GRIK4: variants seen among roughly 807,000 people sequenced by gnomAD.
GRIK4 encodes glutamate ionotropic receptor kainate type subunit 4, also known as glutamate receptor ionotropic, kainate 4.
A neutral mutation model predicts 104.9 loss-of-function variants in GRIK4; 40 were observed. The observed-to-expected ratio is 0.38, with a 90% CI of 0.30 to 0.50. GRIK4 has a LOEUF of 0.50. Ranked by LOEUF, GRIK4 falls within the 20% of genes least tolerant of loss-of-function variation. The probability of loss-of-function intolerance (pLI) is 0.93; values close to 1 mark genes in which losing one functional copy is unlikely to be tolerated. For missense variants in GRIK4, 1,047 were observed against 1,308.1 expected, an observed-to-expected ratio of 0.80 and a Z score of 3.08; for synonymous variants, 485 against 524.9, an observed-to-expected ratio of 0.92 and a Z score of 1.04.
In GRIK4 at chr11:120,905,539, G is replaced by GGGGTGGGGGGGGGGGGGGGGGGA; in HGVS notation, c.1476+46_1476+47insGGGTGGGGGGGGGGGGGGGGGGA. ...CTGGGCCTGAGGGTGGGCTGGGAGG[G>GGGGTGGGGGGGGGGGGGGGGGGA]ATTGGAAGAGCATGAGGTTGTGCTG... On this transcript the variant is annotated intron_variant, in intron 13 of 20. Coordinates refer to ENST00000527524, the MANE Select transcript of GRIK4 (RefSeq NM_014619.5). This position sits in a 1 kb window ranked among gnomAD's most constrained non-coding sequence, Gnocchi z 5.1. 1 of 503,048 alleles carries GGGGTGGGGGGGGGGGGGGGGGGA rather than the reference G, an allele frequency of 2.0e-6. No homozygotes were observed. The highest frequency in any genetic ancestry group is 4.0e-6 in the Non-Finnish European group (1 of 248,896). The allele number at this position is 503,048 out of a possible 1,614,324, so 31.2% of individuals were successfully genotyped here. A position where few individuals can be genotyped will look rare whatever the true frequency, so the allele number is the denominator to read the frequency against.
chr11:120,583,052 T>G (rs1948609929), intron 1 of GRIK4, among the ~76,000 whole-genome samples: 1 of 152,232 alleles, frequency 6.6e-6, no homozygotes, highest in South Asian at 2.1e-4. Context: ...CCATTCAGAC[T>G]GGTGTGAGAT....
At chr11:120,733,500 T>TG (rs200672455) in intron 3 of GRIK4, among the ~76,000 whole-genome samples, 73 of 151,640 alleles carry the variant, frequency 4.8e-4, no homozygotes, top group African/African-American at 1.3e-3. Flanking sequence ...TGTATTTTTT[T>TG]GGGGGGGGAG....
intron 19 of GRIK4, among the ~76,000 whole-genome samples, chr11:120,972,040 C>G (rs1476706925): frequency 6.6e-6 from 1 of 152,196 alleles, no homozygotes; most frequent in African/African-American, 2.4e-5. Context: ...GTCTTCTGTT[C>G]TGTCCTAAAA....
chr11:120,967,431 C>T lies in GRIK4; in HGVS notation c.2395+108C>T, dbSNP rs933388614. 29 of 1,246,312 alleles carry T rather than the reference C, an allele frequency of 2.3e-5. No individual in the cohort carries two copies. Among genetic ancestry groups the T allele is most frequent in the South Asian group, 3.2e-5 (2 of 63,358 alleles). 77.2% of individuals were successfully genotyped at this position (1,246,312 alleles called of 1,614,324 possible). On this transcript the variant is annotated intron_variant, in intron 19 of 20. Transcript: ENST00000527524. This position sits in a 1 kb window ranked among gnomAD's most constrained non-coding sequence, Gnocchi z 4.2. ...AATGACTTGTAGGACCCATTGAGAA[C>T]GGCCTTGGAAGGAACCTAGGTATAA...
At chr11:120,922,762 G>A (rs1392376831) in intron 13 of GRIK4, among the ~76,000 whole-genome samples, 1 of 152,218 alleles carries the variant, frequency 6.6e-6, no homozygotes, top group African/African-American at 2.4e-5. Flanking sequence ...TACAGAGGCA[G>A]CCATCTGAGA....
chr11:120,608,246 C>G (rs80097090), intron 1 of GRIK4, among the ~76,000 whole-genome samples: 3,193 of 152,274 alleles, frequency 0.021, 104 homozygotes, highest in African/African-American at 0.073. Context: ...CAGCAGTGAG[C>G]TTAGAGAATG....
At chr11:120,521,488 G>A (rs1234505387) in intron 1 of GRIK4, among the ~76,000 whole-genome samples, 1 of 152,184 alleles carries the variant, frequency 6.6e-6, no homozygotes, top group Non-Finnish European at 1.5e-5. Context: ...CAGGAGGGCA[G>A]TTAAAATTAT....
At chr11:120,834,297 T>TGTGTGC (rs1953515023) in intron 7 of GRIK4, among the ~76,000 whole-genome samples, 1 of 148,584 alleles carries the variant, frequency 6.7e-6, no homozygotes, top group Admixed American at 6.9e-5. Context: ...TGTGTGTGTG[T>TGTGTGC]GTGGCCATGC....
At chr11:120,975,318 C>T (rs1944543564) in intron 19 of GRIK4, among the ~76,000 whole-genome samples, 1 of 152,154 alleles carries the variant, frequency 6.6e-6, no homozygotes, top group African/African-American at 2.4e-5. Context: ...GCGTGGTTAT[C>T]CTGGTTCTCT....
chr11:120,648,050 G>T (rs576531496), intron 1 of GRIK4, among the ~76,000 whole-genome samples: 18 of 152,304 alleles, frequency 1.2e-4, no homozygotes, highest in African/African-American at 4.3e-4. Flanking sequence ...CTGGGTTCTC[G>T]GGTGTATGTG....
At chr11:120,698,263 G>A (rs1450912692) in intron 3 of GRIK4, among the ~76,000 whole-genome samples, 2 of 152,214 alleles carry the variant, frequency 1.3e-5, no homozygotes, top group African/African-American at 4.8e-5. Context: ...TAATTTCAAT[G>A]TTTAAATCCT....
Position 120,982,111 on chromosome 11 carries a change from G to C in GRIK4, c.2401G>C (p.Gly801Arg). Residue 801 changes from glycine to arginine, a missense_variant, in exon 20 of 21, where the codon GGA (glycine) becomes CGA (arginine). By Grantham distance (125) the Gly-to-Arg change is moderately radical. Around this residue, in one of 3 missense-constraint regions of GRIK4, gnomAD observed 440 missense variants for 652.3 expected, o/e 0.67. Transcript: ENST00000527524. ...KEEDHRAKGL[G>R]MENIGGIFVV... ...TTGTTATCACTTTCTTACAGGCCTG[G>C]GAATGGAGAATATTGGTGGAATCTT... 1 of 1,588,416 alleles carries C rather than the reference G, an allele frequency of 6.3e-7. No homozygotes were observed. Among genetic ancestry groups the C allele is most frequent in the Non-Finnish European group, 8.6e-7 (1 of 1,156,652 alleles).
intron 9 of GRIK4, chr11:120,869,909 C>G (rs1022842433): frequency 2.0e-5 from 3 of 152,248 alleles, no homozygotes; most frequent in African/African-American, 7.2e-5. Context: ...CGTGGCTTAG[C>G]AAGATTCCGG....
At chr11:120,802,669 C>T in intron 3 of GRIK4, 24 bp from the exon 4 acceptor site, 1 of 1,606,262 alleles carries the variant, frequency 6.2e-7, no homozygotes, top group Non-Finnish European at 8.5e-7. Flanking sequence ...TACCAATTGT[C>T]TCCATGTGGT....
chr11:120,519,865 G>GTTTTTTTT (rs1311313035), intron 1 of GRIK4, among the ~76,000 whole-genome samples: 36 of 102,534 alleles, frequency 3.5e-4, no homozygotes, highest in African/African-American at 1.2e-3. Flanking sequence ...CTCACTACTG[G>GTTTTTTTT]TTTTTTTTTT....
At chr11:120,767,391 G>T (rs1248814691) in intron 3 of GRIK4, among the ~76,000 whole-genome samples, 1 of 151,992 alleles carries the variant, frequency 6.6e-6, no homozygotes, top group African/African-American at 2.4e-5. Flanking sequence ...TTTAAATTGG[G>T]TTATTTGTTT....
chr11:120,842,457 C>T (rs1480535880), intron 8 of GRIK4, among the ~76,000 whole-genome samples: 2 of 152,134 alleles, frequency 1.3e-5, no homozygotes, highest in Non-Finnish European at 2.9e-5. Flanking sequence ...AGCCATGTGC[C>T]CAGGGAGAAG....
At position 120,712,484 on chromosome 11, in the gene GRIK4, T is replaced by A. The variant is rs541646515; in HGVS notation, c.82+52084T>A. Among the ~76,000 whole-genome samples the A allele has an allele frequency of 3.3e-5, 5 of 152,256 alleles. No individual in the cohort carries two copies. The East Asian group carries it at 7.7e-4, about 24-fold the overall frequency. On this transcript the variant is annotated intron_variant, in intron 3 of 20. Coordinates refer to ENST00000527524, the MANE Select transcript of GRIK4 (RefSeq NM_014619.5). ...ACAGAGGTCACCCACCCTTCTGTGC[T>A]TTTCTTCTAAATTTATCCTCTGACC...
chr11:120,823,311 A>G (rs1199342733), intron 6 of GRIK4, among the ~76,000 whole-genome samples: 1 of 152,228 alleles, frequency 6.6e-6, no homozygotes, highest in Non-Finnish European at 1.5e-5. Flanking sequence ...TTTGCTAAGC[A>G]TCTACTACAC....
Sources: allele counts gnomAD v4.1 joint callset (sites outside exome capture counted in the v4.1 genomes callset), GRCh38; gene constraint gnomAD v4.1.1; regional missense constraint gnomAD v4.1.1; non-coding constraint Gnocchi (gnomAD v3.1); transcripts MANE v1.5; gene names NCBI Gene and HGNC (gene_info 2026-07-23, HGNC 2026-07-21).